The following CNTN4 variants were observed in gnomAD, a reference collection of about 807,000 sequenced individuals.
CNTN4 encodes contactin 4, also known as contactin-4.
CNTN4 carries 77 observed loss-of-function variants against 122.5 expected under a neutral mutation model. The observed-to-expected ratio is 0.63, with a 90% CI of 0.52 to 0.76. The LOEUF is 0.76. CNTN4 is among the 30% of genes least tolerant of loss of function. The pLI is 0.00. For missense variants in CNTN4, 1,256 were observed against 1,259.1 expected, an observed-to-expected ratio of 1.00 and a Z score of 0.04; for synonymous variants, 512 against 447.0, an observed-to-expected ratio of 1.15 and a Z score of -1.83.
At chr3:2,867,559 C>T (rs1372521271) in intron 8 of CNTN4, among the ~76,000 whole-genome samples, 2 of 152,142 alleles carry the variant, frequency 1.3e-5, no homozygotes, top group Non-Finnish European at 2.9e-5. Flanking sequence ...TCTAGGAGTA[C>T]CATGCCCTTT....
intron 3 of CNTN4, among the ~76,000 whole-genome samples, chr3:2,563,368 ATAAAAT>A (rs1280531852): frequency 2.6e-5 from 4 of 152,234 alleles, no homozygotes; most frequent in Non-Finnish European, 5.9e-5. Flanking sequence ...TAGTTAACCC[ATAAAAT>A]TAAAATCATA....
rs567788874 is a variant in CNTN4, at chr3:2,357,841, G to C, written c.-89+18608G>C. Among the ~76,000 whole-genome samples, 9 of 152,214 alleles carry C rather than the reference G, an allele frequency of 5.9e-5. No individual in the cohort carries two copies. In the South Asian group the frequency reaches 1.9e-3, roughly 32 times the overall value. ...ATCTTCTTAATCCTGTATGTATTTG[G>C]TATCAGGCTTTAATGCCTGTAAATT... On this transcript the variant is annotated intron_variant, in intron 3 of 24. Coordinates refer to ENST00000418658, the MANE Select transcript of CNTN4 (RefSeq NM_175607.3).
At chr3:2,962,487 T>TTAG in intron 13 of CNTN4, among the ~76,000 whole-genome samples, 1 of 152,310 alleles carries the variant, frequency 6.6e-6, no homozygotes, top group East Asian at 1.9e-4. Context: ...TATGAGGGAC[T>TTAG]TAGAAAACCC....
chr3:2,919,700 T>A (rs2094408409), intron 12 of CNTN4, among the ~76,000 whole-genome samples: 1 of 152,208 alleles, frequency 6.6e-6, no homozygotes, highest in Admixed American at 6.5e-5. Context: ...AAATGAAATA[T>A]CACCAATTTG....
chr3:3,038,871 C>G, intron 18 of CNTN4, 62 bp from the exon 19 acceptor site: 1 of 1,424,586 alleles, frequency 7.0e-7, no homozygotes, highest in East Asian at 2.3e-5. Flanking sequence ...TGCCAGGCAA[C>G]CTTCCTGGCC....
At chr3:2,924,314 C>A (rs1351779989) in intron 12 of CNTN4, among the ~76,000 whole-genome samples, 7 of 152,020 alleles carry the variant, frequency 4.6e-5, no homozygotes, top group Non-Finnish European at 1.0e-4. Context: ...CCATTACCCC[C>A]CAAGCCCCCG....
At chr3:2,888,567 C>G (rs1003060273) in intron 10 of CNTN4, among the ~76,000 whole-genome samples, 7 of 152,056 alleles carry the variant, frequency 4.6e-5, no homozygotes, top group African/African-American at 1.4e-4. Context: ...ATACCCGGAA[C>G]CCATGAAGGG....
chr3:2,680,762 A>C (rs2085121915), intron 4 of CNTN4, among the ~76,000 whole-genome samples: 1 of 152,206 alleles, frequency 6.6e-6, no homozygotes, highest in Non-Finnish European at 1.5e-5. Flanking sequence ...ACATAATGAA[A>C]ATCTCAATAT....
chr3:2,213,514 T>C (rs2038708434), intron 2 of CNTN4, among the ~76,000 whole-genome samples: 1 of 152,220 alleles, frequency 6.6e-6, no homozygotes, highest in Non-Finnish European at 1.5e-5. Flanking sequence ...GATCTACACC[T>C]GTACCTTCAG....
intron 3 of CNTN4, chr3:2,511,539 A>G (rs911548949): frequency 1.3e-5 from 2 of 152,260 alleles, no homozygotes; most frequent in Non-Finnish European, 2.9e-5. Flanking sequence ...CCAGCTGAGA[A>G]TATGGTCCCA....
chr3:2,287,649 GA>G (rs1308273595), intron 2 of CNTN4, among the ~76,000 whole-genome samples: 1 of 21,302 alleles, frequency 4.7e-5, no homozygotes, highest in African/African-American at 1.2e-4. Context: ...AGAAGAAGAA[GA>G]AGAAGAAGAA....
In CNTN4 at chr3:2,959,679, C is replaced by CAA. The variant is rs5846230; in HGVS notation, c.1359-28656_1359-28655dup. On this transcript the variant is annotated intron_variant, in intron 13 of 24. Coordinates refer to ENST00000418658, the MANE Select transcript of CNTN4 (RefSeq NM_175607.3). ...CTAAATTTTTAAGTGACTGATTTTT[C>CAA]AAAAAAAAAAATCTTCTACTCATCA... Among the ~76,000 whole-genome samples the CAA allele has an allele frequency of 5.3e-4, 78 of 147,552 alleles. 1 individual carries two copies. In the East Asian group the frequency reaches 0.014, roughly 26 times the overall value.
chr3:2,550,383 A>G (rs571868440), intron 3 of CNTN4, among the ~76,000 whole-genome samples: 1 of 152,304 alleles, frequency 6.6e-6, no homozygotes, highest in Admixed American at 6.5e-5. Context: ...AGAAATGCAA[A>G]TCAAAACCAC....
intron 3 of CNTN4, among the ~76,000 whole-genome samples, chr3:2,343,969 G>A (rs1325934321): frequency 6.6e-6 from 1 of 152,110 alleles, no homozygotes; most frequent in East Asian, 1.9e-4. Flanking sequence ...CAGAGAGGGA[G>A]CAAGAGAGAG....
intron 4 of CNTN4, among the ~76,000 whole-genome samples, chr3:2,612,834 A>G (rs2081557888): frequency 6.6e-6 from 1 of 152,180 alleles, no homozygotes; most frequent in South Asian, 2.1e-4. Flanking sequence ...AGGAAATAGG[A>G]GGATATAACA....
Position 2,427,034 on chromosome 3 carries a change from T to C in CNTN4, c.-89+87801T>C, listed in dbSNP as rs1575605201. On this transcript the variant is annotated intron_variant, in intron 3 of 24. Transcript: ENST00000418658. Reference sequence around the variant, plus strand: ...TTCAAAAAACCAGCTCCTGGATTCATTGATTTTTTTGAAGGGTTTTTTGTG... The same window carrying C: ...TTCAAAAAACCAGCTCCTGGATTCACTGATTTTTTTGAAGGGTTTTTTGTG... Among the ~76,000 whole-genome samples the C allele has an allele frequency of 2.0e-5, 3 of 152,308 alleles. No individual in the cohort carries two copies. The South Asian group carries it at 6.2e-4, about 32-fold the overall frequency.
intron 18 of CNTN4, among the ~76,000 whole-genome samples, chr3:3,038,300 A>T (rs1044753994): frequency 1.3e-5 from 2 of 152,088 alleles, no homozygotes; most frequent in East Asian, 3.9e-4. Flanking sequence ...CCTCTCTTTT[A>T]TAGAGAAAAC....
chr3:2,196,027 T>C (rs1278715341), intron 2 of CNTN4, among the ~76,000 whole-genome samples: 1 of 152,174 alleles, frequency 6.6e-6, no homozygotes, highest in Admixed American at 6.5e-5. Context: ...AATCTAGAGA[T>C]GATATAGAAA....
At chr3:2,320,414 T>A (rs564405038) in intron 2 of CNTN4, among the ~76,000 whole-genome samples, 1 of 152,284 alleles carries the variant, frequency 6.6e-6, no homozygotes, top group Admixed American at 6.5e-5. Flanking sequence ...GTGATTTTTA[T>A]TTAAACCTGG....
Sources: gnomAD v4.1 joint callset for allele counts (sites outside exome capture counted in the v4.1 genomes callset) on GRCh38, gnomAD v4.1.1 for gene constraint, MANE v1.5 for transcripts, NCBI Gene and HGNC (gene_info 2026-07-23, HGNC 2026-07-21) for gene names.